ANK3: variants seen among roughly 807,000 people sequenced by gnomAD.
ANK3 encodes the protein ankyrin 3, also known as ankyrin-3.
A neutral mutation model predicts 370.9 loss-of-function variants in ANK3; 57 were observed. The ratio of observed to expected loss-of-function variants is 0.15; its 90% CI spans 0.12 to 0.19. ANK3 has a LOEUF of 0.19. Among genes scored for constraint, ANK3 ranks in the 10% least tolerant of loss-of-function variants. The probability of loss-of-function intolerance (pLI) is 1.00; values close to 1 mark genes in which losing one functional copy is unlikely to be tolerated. For missense variants in ANK3, 4,439 were observed against 5,302.1 expected (o/e 0.84, Z 5.06); for synonymous variants, 1,929 against 1,946.3 (o/e 0.99, Z 0.23).
At chr10:60,578,900 C>T (rs1595310699) in intron 2 of ANK3, among the ~76,000 whole-genome samples, 1 of 152,118 alleles carries the variant, frequency 6.6e-6, no homozygotes, top group African/African-American at 2.4e-5. Context: ...TGGTACCTTG[C>T]CTAAGACCAA....
At chr10:60,499,385 T>G (rs2893837) in intron 2 of ANK3, among the ~76,000 whole-genome samples, 111,441 of 152,114 alleles carry the variant, frequency 0.73, 40,841 homozygotes, top group South Asian at 0.88. Context: ...TGCTCATTAT[T>G]CTTATAATAC....
intron 1 of ANK3, among the ~76,000 whole-genome samples, chr10:60,297,235 C>T (rs1360423781): frequency 6.6e-6 from 1 of 152,136 alleles, no homozygotes; most frequent in Non-Finnish European, 1.5e-5. Context: ...TGCCATCACT[C>T]ACCGTCACTT....
At chr10:60,406,609 G>A (rs992613800) in intron 2 of ANK3, among the ~76,000 whole-genome samples, 1 of 152,176 alleles carries the variant, frequency 6.6e-6, no homozygotes, top group African/African-American at 2.4e-5. Flanking sequence ...GTGTGGCCTG[G>A]TTCCTAACAG....
chr10:60,254,741 CAGCTG>C (rs2097712554), intron 7 of ANK3, among the ~76,000 whole-genome samples: 1 of 152,130 alleles, frequency 6.6e-6, no homozygotes, highest in Admixed American at 6.5e-5. Context: ...TCCCTTAACG[CAGCTG>C]AGTTTAGTTT....
chr10:60,656,437 TC>T (rs202162573), intron 1 of ANK3, among the ~76,000 whole-genome samples: 65 of 151,424 alleles, frequency 4.3e-4, no homozygotes, highest in Middle Eastern at 3.4e-3. Flanking sequence ...AATGCTACTA[TC>T]TTTTAAAAAA....
rs550524176 is a variant in ANK3, at chr10:60,542,219, T to C, written c.96+72967A>G. On this transcript the variant is annotated intron_variant, in intron 2 of 43. Transcript: ENST00000373827. ...ACTTCCAAAAAATATAAAAAAATTATATATATGTGAGTCCTACATGAGTCT... is the reference window on the plus strand; with the variant it reads ...ACTTCCAAAAAATATAAAAAAATTACATATATGTGAGTCCTACATGAGTCT... Among the ~76,000 whole-genome samples the C allele has an allele frequency of 3.9e-5, 6 of 151,966 alleles. No individual in the cohort carries two copies. In the East Asian group the frequency reaches 7.7e-4, roughly 20 times the overall value.
At chr10:60,682,448 C>T (rs1193204739) in intron 1 of ANK3, among the ~76,000 whole-genome samples, 1 of 151,504 alleles carries the variant, frequency 6.6e-6, no homozygotes, top group Non-Finnish European at 1.5e-5. Context: ...TGGATTTTGG[C>T]CCAGTTCCTG....
At chr10:60,516,488 G>A (rs879085428) in intron 2 of ANK3, among the ~76,000 whole-genome samples, 4 of 152,062 alleles carry the variant, frequency 2.6e-5, no homozygotes, top group Admixed American at 6.6e-5. Context: ...TCACTGTAAC[G>A]TCCTACTTTA....
chr10:60,627,607 TGAAA>T, intron 1 of ANK3, among the ~76,000 whole-genome samples: 2 of 152,152 alleles, frequency 1.3e-5, no homozygotes, highest in African/African-American at 4.8e-5. Flanking sequence ...CTGAAAAACA[TGAAA>T]GAAGCTAATT....
chr10:60,503,663 C>A (rs1005088595), intron 2 of ANK3, among the ~76,000 whole-genome samples: 2 of 152,092 alleles, frequency 1.3e-5, no homozygotes, highest in Non-Finnish European at 2.9e-5. Context: ...TAGGCATTAT[C>A]AACATAATTC....
chr10:60,659,707 T>G (rs1309962750), intron 1 of ANK3, among the ~76,000 whole-genome samples: 2 of 152,122 alleles, frequency 1.3e-5, no homozygotes, highest in African/African-American at 4.8e-5. Context: ...GACTGCCCCT[T>G]GCTTTAAGGT....
chr10:60,653,973 A>G (rs2078827706), intron 1 of ANK3, among the ~76,000 whole-genome samples: 2 of 152,190 alleles, frequency 1.3e-5, no homozygotes, highest in Admixed American at 1.3e-4. Context: ...CCAATTCATA[A>G]ATATATCTCT....
intron 1 of ANK3, among the ~76,000 whole-genome samples, chr10:60,631,398 G>A (rs1400839890): frequency 1.3e-5 from 2 of 152,042 alleles, no homozygotes; most frequent in Non-Finnish European, 2.9e-5. Flanking sequence ...TGGGCATGGA[G>A]GTGCGTGCCT....
At chr10:60,316,664 T>C (rs994764738) in intron 1 of ANK3, among the ~76,000 whole-genome samples, 1 of 152,230 alleles carries the variant, frequency 6.6e-6, no homozygotes, top group African/African-American at 2.4e-5. Context: ...AATTGTCCTT[T>C]TAGAGACACT....
intron 2 of ANK3, among the ~76,000 whole-genome samples, chr10:60,533,774 T>C (rs539378189): frequency 6.6e-6 from 1 of 152,260 alleles, no homozygotes; most frequent in African/African-American, 2.4e-5. Context: ...GGACTATTGT[T>C]CTCAAGCCTC....
chr10:60,152,760 G>A (rs2095187518), intron 23 of ANK3, among the ~76,000 whole-genome samples: 1 of 151,934 alleles, frequency 6.6e-6, no homozygotes, highest in Non-Finnish European at 1.5e-5. Flanking sequence ...CACCATCCAG[G>A]TGAAGAAATA....
intron 2 of ANK3, among the ~76,000 whole-genome samples, chr10:60,562,864 T>A (rs542254441): frequency 6.6e-6 from 1 of 152,212 alleles, no homozygotes; most frequent in African/African-American, 2.4e-5. Flanking sequence ...AAGAACTCCA[T>A]TGTATGTGCT....
intron 1 of ANK3, among the ~76,000 whole-genome samples, chr10:60,371,819 T>C (rs956174904): frequency 3.3e-5 from 5 of 152,184 alleles, no homozygotes; most frequent in Admixed American, 2.0e-4. Flanking sequence ...TTTCCATCTG[T>C]TCTAGTGAAT....
intron 1 of ANK3, among the ~76,000 whole-genome samples, chr10:60,700,728 C>A (rs2079534690): frequency 6.6e-6 from 1 of 151,974 alleles, no homozygotes; most frequent in Non-Finnish European, 1.5e-5. Flanking sequence ...AACATTTTAG[C>A]AATTGAATAG....
Sources: allele counts gnomAD v4.1 joint callset (sites outside exome capture counted in the v4.1 genomes callset), GRCh38; gene constraint gnomAD v4.1.1; transcripts MANE v1.5; gene names NCBI Gene and HGNC (gene_info 2026-07-23, HGNC 2026-07-21).